Variants in FLRT1 observed in about 807,000 individuals in gnomAD.
FLRT1 encodes the protein leucine-rich repeat transmembrane protein FLRT1.
In FLRT1, 14 loss-of-function variants were observed where a neutral mutation model predicts 30.9. The ratio of observed to expected loss-of-function variants is 0.45; its 90% CI spans 0.30 to 0.71. The LOEUF is 0.71. Among genes scored for constraint, FLRT1 ranks in the 30% least tolerant of loss-of-function variants. The probability of loss-of-function intolerance (pLI) is 0.08; values close to 1 mark genes in which losing one functional copy is unlikely to be tolerated. For missense variants in FLRT1, 737 were observed against 949.2 expected (o/e 0.78, Z 2.94); for synonymous variants, 368 against 430.4 (o/e 0.85, Z 1.80).
Position 64,116,598 on chromosome 11 carries a change from A to G in FLRT1, c.331A>G (p.Ile111Val). ...DLKTKVNVQVIYLYENDLDEF... is the reference protein window; with the variant it reads ...DLKTKVNVQVVYLYENDLDEF... The stretch of plus-strand genomic sequence containing the variant: ...CAAGACCAAGGTCAACGTGCAGGTC[A>G]TCTACCTATACGAGAATGACCTGGA... Residue 111 changes from isoleucine to valine, a missense_variant, in exon 3 of 3, where the codon ATC becomes GTC. By Grantham distance (29) the Ile-to-Val change is conservative. Coordinates refer to ENST00000682287, the MANE Select transcript of FLRT1 (RefSeq NM_013280.5). 1 of 1,614,180 alleles carries G rather than the reference A, an allele frequency of 6.2e-7. No homozygotes were observed. The highest frequency in any genetic ancestry group is 8.5e-7 in the Non-Finnish European group (1 of 1,180,046).
At chr11:64,037,949 T>C (rs1260403343) in intron 1 of FLRT1, among the ~76,000 whole-genome samples, 1 of 152,182 alleles carries the variant, frequency 6.6e-6, no homozygotes, top group East Asian at 1.9e-4. Context: ...TTGTTAGTGG[T>C]CCTGCTCCTG....
At chr11:64,057,213 G>C (rs933294878) in intron 1 of FLRT1, among the ~76,000 whole-genome samples, 1 of 152,238 alleles carries the variant, frequency 6.6e-6, no homozygotes, top group African/African-American at 2.4e-5. Flanking sequence ...GGCAGCCTCT[G>C]GGACCAGCTT....
In FLRT1 at chr11:64,116,656, G is replaced by A. The variant is rs201296024; in HGVS notation, c.389G>A (p.Arg130Gln). The A allele has an allele frequency of 1.8e-5, 29 of 1,613,794 alleles. No individual in the cohort carries two copies. Among genetic ancestry groups the A allele is most frequent in the Middle Eastern group, 1.7e-4 (1 of 6,030 alleles). ...CCCATCAACCTGCCCCGCTCCCTCC[G>A]GGAGCTGCACCTGCAGGACAACAAT... ...EFPINLPRSLRELHLQDNNVR... is the reference protein window; with the variant it reads ...EFPINLPRSLQELHLQDNNVR... Residue 130 changes from arginine to glutamine, a missense_variant, in exon 3 of 3, where the codon CGG becomes CAG. Arg to Gln is a conservative substitution (Grantham distance 43, BLOSUM62 1). Coordinates refer to ENST00000682287, the MANE Select transcript of FLRT1 (RefSeq NM_013280.5).
intron 2 of FLRT1, among the ~76,000 whole-genome samples, chr11:64,113,871 C>G (rs375125379): frequency 9.0e-5 from 7 of 77,906 alleles, no homozygotes; most frequent in African/African-American, 1.7e-4. Flanking sequence ...TGGATTGATA[C>G]ATGGATGGAT....
Position 64,117,678 on chromosome 11 carries a change from C to A in FLRT1, c.1411C>A (p.Leu471Met), listed in dbSNP as rs745527335. 6.2e-7 allele frequency: 1 copy of A among 1,613,660 alleles called. No individual in the cohort carries two copies. Residue 471 changes from leucine (L) to methionine (M), a missense_variant, in exon 3 of 3, where the codon CTG (leucine) becomes ATG (methionine). Leu to Met is a conservative substitution (Grantham distance 15). Transcript: ENST00000682287. ...CTCTTTCCGGCTCAGTTGGCTGCGC[C>A]TGGGCCACAGCCCAGCCGTGGGCTC... is the stretch of plus-strand genomic sequence containing the variant. ...ASSFRLSWLR[L>M]GHSPAVGSIT...
chr11:64,054,070 C>T (rs947337456), intron 1 of FLRT1, among the ~76,000 whole-genome samples: 7 of 152,158 alleles, frequency 4.6e-5, no homozygotes, highest in Non-Finnish European at 8.8e-5. Context: ...GCAGCTGTCA[C>T]CTCCACCTGC....
chr11:64,078,438 A>G (rs1033442915), intron 1 of FLRT1, among the ~76,000 whole-genome samples: 7 of 152,192 alleles, frequency 4.6e-5, no homozygotes, highest in Non-Finnish European at 8.8e-5. Flanking sequence ...ACATGGCCTC[A>G]ATCCAATTAC....
Position 64,110,169 on chromosome 11 carries a change from G to A in FLRT1, c.-50+5988G>A, listed in dbSNP as rs1328427611. 3.3e-5 allele frequency among the ~76,000 whole-genome samples: 5 copies of A among 152,132 alleles called. No homozygotes were observed. The South Asian group carries it at 1.0e-3, about 32-fold the overall frequency. ...CTTGCTCAAAATAACACAGCCTGAG[G>A]CCCGGCGTGGTGGCTCACGCGTATA... On this transcript the variant is annotated intron_variant, in intron 2 of 2. Coordinates refer to ENST00000682287, the MANE Select transcript of FLRT1 (RefSeq NM_013280.5).
chr11:64,095,022 C>A (rs544381119), intron 1 of FLRT1, among the ~76,000 whole-genome samples: 1 of 152,134 alleles, frequency 6.6e-6, no homozygotes, highest in Admixed American at 6.5e-5. Flanking sequence ...AAAAGTGTGC[C>A]GCGAATGCTT....
At chr11:64,101,295 C>A (rs1048668874) in intron 1 of FLRT1, among the ~76,000 whole-genome samples, 4 of 152,122 alleles carry the variant, frequency 2.6e-5, no homozygotes. Flanking sequence ...AGGAGCACTG[C>A]CTCTATCCTG....
Position 64,061,376 on chromosome 11 carries a change from A to C in FLRT1, c.-1038+25217A>C, listed in dbSNP as rs574550806. Among the ~76,000 whole-genome samples the C allele has an allele frequency of 1.6e-4, 25 of 152,222 alleles. 1 individual carries two copies. The highest frequency in any genetic ancestry group is 6.5e-5 in the Admixed American group (1 of 15,294). On this transcript the variant is annotated intron_variant, in intron 1 of 2. Transcript: ENST00000682287. Reference sequence around the variant, plus strand: ...TGGAGGTGAGGGCCCTCTGCTAGGCAAGAGGAATGGGCTTGGCCCGCCCAG... The same window carrying C: ...TGGAGGTGAGGGCCCTCTGCTAGGCCAGAGGAATGGGCTTGGCCCGCCCAG...
chr11:64,078,873 G>A (rs1363427546), intron 1 of FLRT1, among the ~76,000 whole-genome samples: 2 of 152,206 alleles, frequency 1.3e-5, no homozygotes, highest in South Asian at 2.1e-4. Flanking sequence ...CTCGGCAGAG[G>A]GGACAGCGAG....
chr11:64,071,998 C>A (rs1944116527), intron 1 of FLRT1, among the ~76,000 whole-genome samples: 2 of 152,342 alleles, frequency 1.3e-5, no homozygotes, highest in Middle Eastern at 3.4e-3. Context: ...CTGAGCCGCT[C>A]CAGCAGGTCG....
At chr11:64,077,478 C>G (rs1275064711) in intron 1 of FLRT1, among the ~76,000 whole-genome samples, 1 of 152,178 alleles carries the variant, frequency 6.6e-6, no homozygotes, top group South Asian at 2.1e-4. Context: ...TGCCTCAGGA[C>G]CCAGGTACTG....
At position 64,041,878 on chromosome 11, in the gene FLRT1, G is replaced by A. The variant is rs556668694; in HGVS notation, c.-1038+5719G>A. Among the ~76,000 whole-genome samples, 4 of 152,352 alleles carry A rather than the reference G, an allele frequency of 2.6e-5. No individual in the cohort carries two copies. In the East Asian group the frequency reaches 7.7e-4, roughly 29 times the overall value. ...GTCACGGGAGTTTCACCTCAAGGCT[G>A]AGGGTGCCCCGCCCAGTTAAAGCAC... On this transcript the variant is annotated intron_variant, in intron 1 of 2. Transcript: ENST00000682287.
chr11:64,091,016 G>A (rs1944480080), intron 1 of FLRT1, among the ~76,000 whole-genome samples: 2 of 151,602 alleles, frequency 1.3e-5, no homozygotes, highest in African/African-American at 2.4e-5. Context: ...CCTAGGAGAA[G>A]GGGGAGGAGG....
chr11:64,052,259 A>G (rs1337925396), intron 1 of FLRT1, among the ~76,000 whole-genome samples: 2 of 151,814 alleles, frequency 1.3e-5, no homozygotes, highest in Non-Finnish European at 2.9e-5. Context: ...GGGGTGGGGG[A>G]AAAAAAACAA....
chr11:64,057,499 C>T (rs1943811088), intron 1 of FLRT1, among the ~76,000 whole-genome samples: 1 of 152,212 alleles, frequency 6.6e-6, no homozygotes, highest in Non-Finnish European at 1.5e-5. Flanking sequence ...GGAAGGCTGG[C>T]GTGGAGGCAA....
chr11:64,058,239 C>G (rs1448210122), intron 1 of FLRT1, among the ~76,000 whole-genome samples: 1 of 152,252 alleles, frequency 6.6e-6, no homozygotes, highest in East Asian at 1.9e-4. Context: ...AGCAGGGTAA[C>G]CTGCTCCTGC....
Sources: allele counts gnomAD v4.1 joint callset (sites outside exome capture counted in the v4.1 genomes callset), GRCh38; gene constraint gnomAD v4.1.1; transcripts MANE v1.5; gene names NCBI Gene and HGNC (gene_info 2026-07-23, HGNC 2026-07-21).